SRRM4: variants seen among roughly 807,000 people sequenced by gnomAD.
SRRM4 encodes serine/arginine repetitive matrix 4, also known as serine/arginine repetitive matrix protein 4.
A neutral mutation model predicts 68.9 loss-of-function variants in SRRM4; 33 were observed. The ratio of observed to expected loss-of-function variants is 0.48; its 90% CI spans 0.36 to 0.64. The LOEUF (loss-of-function observed/expected upper bound fraction) is 0.64, where lower values mean the gene tolerates loss of function less well. Among genes scored for constraint, SRRM4 ranks in the 30% least tolerant of loss-of-function variants. The pLI is 0.00. For synonymous variants in SRRM4, 318 were observed against 318.8 expected, an observed-to-expected ratio of 1.00 and a Z score of 0.03; for missense variants, 817 against 827.1, an observed-to-expected ratio of 0.99 and a Z score of 0.15.
In SRRM4 at chr12:118,981,864, C is replaced by G; in HGVS notation, c.-19C>G. 6.2e-7 allele frequency: 1 copy of G among 1,611,438 alleles called. No individual in the cohort carries two copies. The highest frequency in any genetic ancestry group is 1.1e-5 in the South Asian group (1 of 90,580). On this transcript the variant is annotated 5_prime_UTR_variant, in exon 1 of 13. Transcript: ENST00000267260. ...ACTTTGGACAGCGCCCCGGACGCCC[C>G]GGCCCCTTTGGGTTGGCGATGGCGA...
At chr12:119,109,776 G>T (rs1345606129) in intron 2 of SRRM4, among the ~76,000 whole-genome samples, 2 of 152,188 alleles carry the variant, frequency 1.3e-5, no homozygotes, top group African/African-American at 4.8e-5. Context: ...TCCTCCTTTA[G>T]CGCAGAGAAG....
intron 1 of SRRM4, among the ~76,000 whole-genome samples, chr12:119,068,888 G>A (rs544470878): frequency 1.1e-4 from 16 of 152,156 alleles, no homozygotes; most frequent in East Asian, 7.7e-4. Flanking sequence ...ATGAGGCGTC[G>A]GGAGGGGAGG....
At chr12:119,129,348 T>C (rs1954279695) in intron 7 of SRRM4, among the ~76,000 whole-genome samples, 1 of 152,228 alleles carries the variant, frequency 6.6e-6, no homozygotes, top group Non-Finnish European at 1.5e-5. Flanking sequence ...AAGTCAGACA[T>C]GCCTTTGGTT....
chr12:119,098,858 C>T (rs1954060407), intron 1 of SRRM4, among the ~76,000 whole-genome samples: 1 of 152,202 alleles, frequency 6.6e-6, no homozygotes, highest in African/African-American at 2.4e-5. Context: ...TTCTTAGAAT[C>T]AGACCACATC....
At chr12:119,134,734 C>A (rs73410058) in intron 8 of SRRM4, among the ~76,000 whole-genome samples, 1 of 152,142 alleles carries the variant, frequency 6.6e-6, no homozygotes, top group South Asian at 2.1e-4. Flanking sequence ...GTACCCACAA[C>A]GAACTAGTTA....
chr12:119,123,614 T>C (rs969900984), intron 6 of SRRM4, among the ~76,000 whole-genome samples: 1 of 151,916 alleles, frequency 6.6e-6, no homozygotes, highest in Non-Finnish European at 1.5e-5. Flanking sequence ...TCAGAAAGCT[T>C]GTGGAAGCCA....
intron 1 of SRRM4, among the ~76,000 whole-genome samples, chr12:119,096,560 G>C: frequency 6.6e-6 from 1 of 152,336 alleles, no homozygotes; most frequent in South Asian, 2.1e-4. Context: ...GATGTGGAGA[G>C]AACGCTGGGC....
At chr12:119,064,820 AG>A (rs547201962) in intron 1 of SRRM4, among the ~76,000 whole-genome samples, 4 of 152,160 alleles carry the variant, frequency 2.6e-5, no homozygotes, top group Admixed American at 6.6e-5. Flanking sequence ...TTTGTGGAAA[AG>A]GGGGAAAAAA....
Position 119,059,119 on chromosome 12 carries a change from G to C in SRRM4, c.132-43117G>C, listed in dbSNP as rs189187475. On this transcript the variant is annotated intron_variant, in intron 1 of 12. Coordinates refer to ENST00000267260, the MANE Select transcript of SRRM4 (RefSeq NM_194286.4). ...GGCCTCCGGAGCAGTCCTCAGCCCT[G>C]TAACCACTTCTGTTTGGGTCTTGGA... Among the ~76,000 whole-genome samples, 494 of 152,230 alleles carry C rather than the reference G, an allele frequency of 3.2e-3. 2 individuals carry two copies. Among genetic ancestry groups the C allele is most frequent in the African/African-American group, 0.011 (457 of 41,538 alleles).
intron 1 of SRRM4, among the ~76,000 whole-genome samples, chr12:119,063,463 T>G (rs1953826797): frequency 6.6e-6 from 1 of 152,326 alleles, no homozygotes; most frequent in East Asian, 1.9e-4. Flanking sequence ...CTAGAATGTC[T>G]GTAGTTACTA....
intron 1 of SRRM4, among the ~76,000 whole-genome samples, chr12:119,093,375 T>G (rs1335538360): frequency 6.6e-6 from 1 of 152,188 alleles, no homozygotes; most frequent in African/African-American, 2.4e-5. Flanking sequence ...CTCTCCTAGA[T>G]CTTGTACCAA....
At chr12:118,984,687 C>A (rs1953271514) in intron 1 of SRRM4, among the ~76,000 whole-genome samples, 1 of 152,184 alleles carries the variant, frequency 6.6e-6, no homozygotes, top group Non-Finnish European at 1.5e-5. Flanking sequence ...ATCTAAGCAA[C>A]CCCCTGCTTA....
chr12:118,995,903 A>G (rs939475562), intron 1 of SRRM4, among the ~76,000 whole-genome samples: 1 of 152,196 alleles, frequency 6.6e-6, no homozygotes, highest in African/African-American at 2.4e-5. Flanking sequence ...CAGTCAAGCA[A>G]CAATTGATGC....
intron 1 of SRRM4, among the ~76,000 whole-genome samples, chr12:119,056,453 ACC>A (rs1273603149): frequency 6.6e-6 from 1 of 152,158 alleles, no homozygotes; most frequent in Non-Finnish European, 1.5e-5. Flanking sequence ...GTGAAGCTTT[ACC>A]ATTGATTAAG....
At chr12:119,002,354 G>A (rs544031585) in intron 1 of SRRM4, among the ~76,000 whole-genome samples, 1 of 152,054 alleles carries the variant, frequency 6.6e-6, no homozygotes, top group African/African-American at 2.4e-5. Context: ...TCTACTGAAC[G>A]TGTTCCATGG....
intron 1 of SRRM4, among the ~76,000 whole-genome samples, chr12:119,058,874 G>C (rs1028236708): frequency 6.6e-6 from 1 of 152,126 alleles, no homozygotes; most frequent in Non-Finnish European, 1.5e-5. Flanking sequence ...AGCTATATTT[G>C]GTGTCTTCCA....
At chr12:119,043,775 T>TAC (rs58053550) in intron 1 of SRRM4, among the ~76,000 whole-genome samples, 2,901 of 141,730 alleles carry the variant, frequency 0.02, 34 homozygotes, top group African/African-American at 0.033. Context: ...CATACACGCA[T>TAC]ACACACACAC....
chr12:119,010,877 T>A (rs1170515238), intron 1 of SRRM4, among the ~76,000 whole-genome samples: 1 of 152,204 alleles, frequency 6.6e-6, no homozygotes. Flanking sequence ...TTCATGTGTA[T>A]TAAACATAGA....
At chr12:118,985,486 TA>T (rs1355970640) in intron 1 of SRRM4, among the ~76,000 whole-genome samples, 1 of 152,178 alleles carries the variant, frequency 6.6e-6, no homozygotes, top group African/African-American at 2.4e-5. Context: ...AAAATGTCTT[TA>T]AAAATGAAAG....
Sources: gnomAD v4.1 joint callset for allele counts (sites outside exome capture counted in the v4.1 genomes callset) on GRCh38, gnomAD v4.1.1 for gene constraint, MANE v1.5 for transcripts, NCBI Gene and HGNC (gene_info 2026-07-23, HGNC 2026-07-21) for gene names.